Variants in GREM2 observed in about 807,000 individuals in gnomAD.
The protein encoded by GREM2 is gremlin 2, DAN family BMP antagonist.
A neutral mutation model predicts 14.2 loss-of-function variants in GREM2; 11 were observed. That is an observed-to-expected ratio of 0.78 (90% CI 0.49 to 1.28). The LOEUF is 1.28. Ranked by LOEUF, GREM2 falls within the 50% of genes most tolerant of loss-of-function variation. The pLI is 0.00. For missense variants in GREM2, 210 were observed against 218.5 expected (o/e 0.96, Z 0.24); for synonymous variants, 98 against 97.6 (o/e 1.00, Z -0.02).
chr1:240,548,371 A>C (rs373281076), intron 1 of GREM2, among the ~76,000 whole-genome samples: 1 of 152,268 alleles, frequency 6.6e-6, no homozygotes, highest in South Asian at 2.1e-4. Flanking sequence ...TTTTCTTCTT[A>C]AACAACTCCC....
At chr1:240,606,328 T>C (rs983034881) in intron 1 of GREM2, among the ~76,000 whole-genome samples, 1 of 152,198 alleles carries the variant, frequency 6.6e-6, no homozygotes, top group Non-Finnish European at 1.5e-5. Flanking sequence ...TAAAACCATA[T>C]TAAACTCCAG....
At chr1:240,510,276 A>G (rs926034505) in intron 1 of GREM2, among the ~76,000 whole-genome samples, 2 of 139,920 alleles carry the variant, frequency 1.4e-5, no homozygotes, top group Admixed American at 7.6e-5. Context: ...AGGCTGAGGC[A>G]GGAGAATGGC....
At chr1:240,498,375 C>T (rs1677481301) in intron 1 of GREM2, among the ~76,000 whole-genome samples, 1 of 152,170 alleles carries the variant, frequency 6.6e-6, no homozygotes, top group Admixed American at 6.5e-5. Flanking sequence ...CTCCTTCACA[C>T]ATAGCAATAG....
intron 1 of GREM2, among the ~76,000 whole-genome samples, chr1:240,599,269 A>AG (rs1223802236): frequency 1.4e-5 from 2 of 139,718 alleles, no homozygotes; most frequent in African/African-American, 5.9e-5. Flanking sequence ...CTCTGTCTCA[A>AG]AAAAAAAAAA....
chr1:240,499,882 A>G (rs962117858), intron 1 of GREM2, among the ~76,000 whole-genome samples: 16 of 152,226 alleles, frequency 1.1e-4, no homozygotes, highest in African/African-American at 3.6e-4. Flanking sequence ...CCTGAATATA[A>G]TGCCCATGGT....
intron 1 of GREM2, among the ~76,000 whole-genome samples, chr1:240,559,607 G>A (rs767180866): frequency 3.3e-5 from 5 of 152,234 alleles, no homozygotes; most frequent in Non-Finnish European, 5.9e-5. Flanking sequence ...GCCTCCCAAA[G>A]TCCTGGGATT....
intron 1 of GREM2, among the ~76,000 whole-genome samples, chr1:240,574,271 G>A (rs1558168309): frequency 6.6e-6 from 1 of 151,976 alleles, no homozygotes; most frequent in Non-Finnish European, 1.5e-5. Flanking sequence ...ATTTTAAAAC[G>A]ATCTCCCCAC....
At chr1:240,567,757 T>C (rs1370164498) in intron 1 of GREM2, among the ~76,000 whole-genome samples, 1 of 152,190 alleles carries the variant, frequency 6.6e-6, no homozygotes, top group Admixed American at 6.5e-5. Context: ...TGAGTAAATA[T>C]AGAAGACTTT....
intron 1 of GREM2, among the ~76,000 whole-genome samples, chr1:240,565,045 C>T (rs1246489727): frequency 5.9e-5 from 9 of 152,098 alleles, no homozygotes; most frequent in Non-Finnish European, 1.3e-4. Flanking sequence ...CCTTCAAATT[C>T]TATACATTTT....
At chr1:240,507,077 A>G (rs1329179885) in intron 1 of GREM2, among the ~76,000 whole-genome samples, 1 of 152,196 alleles carries the variant, frequency 6.6e-6, no homozygotes, top group African/African-American at 2.4e-5. Flanking sequence ...GGTTTTGGGC[A>G]GGGCAGGGAG....
intron 1 of GREM2, among the ~76,000 whole-genome samples, chr1:240,555,492 T>C (rs887476998): frequency 3.3e-5 from 5 of 152,218 alleles, no homozygotes; most frequent in Admixed American, 6.5e-5. Flanking sequence ...AATTCAAATA[T>C]TTGTAAAAAA....
intron 1 of GREM2, among the ~76,000 whole-genome samples, chr1:240,536,077 A>AG (rs35724519): frequency 0.92 from 139,809 of 152,114 alleles, 64,253 homozygotes; most frequent in East Asian, 0.95. Flanking sequence ...AAGACTGGTA[A>AG]GACAAGAGGA....
intron 1 of GREM2, among the ~76,000 whole-genome samples, chr1:240,521,828 T>C (rs12094266): frequency 0.03 from 4,592 of 152,138 alleles, 255 homozygotes; most frequent in African/African-American, 0.11. Flanking sequence ...ATTTTAAATG[T>C]AGGCCAGGGT....
At chr1:240,520,521 A>G (rs2103302042) in intron 1 of GREM2, among the ~76,000 whole-genome samples, 1 of 152,206 alleles carries the variant, frequency 6.6e-6, no homozygotes, top group African/African-American at 2.4e-5. Context: ...CCTCATTCAG[A>G]TTATAAATTC....
At chr1:240,534,701 A>AG (rs1678437048) in intron 1 of GREM2, among the ~76,000 whole-genome samples, 1 of 151,774 alleles carries the variant, frequency 6.6e-6, no homozygotes, top group African/African-American at 2.4e-5. Flanking sequence ...TCAAAAAAAA[A>AG]AAAAAAAAAA....
At position 240,494,125 on chromosome 1, in the gene GREM2, A is replaced by G. The variant is rs143139178; in HGVS notation, c.-1-649T>C. Among the ~76,000 whole-genome samples, 944 of 152,406 alleles carry G rather than the reference A, an allele frequency of 6.2e-3. 4 individuals carry two copies. Among genetic ancestry groups the G allele is most frequent in the South Asian group, 0.012 (56 of 4,832 alleles). On this transcript the variant is annotated intron_variant, in intron 1 of 1. Coordinates refer to ENST00000318160, the MANE Select transcript of GREM2 (RefSeq NM_022469.4). ...CAATAATAGTTAATACTCAATATTT[A>G]CAGTGTTTTACTTTGTGCCAAGTGC...
At chr1:240,605,544 T>C (rs1680008874) in intron 1 of GREM2, among the ~76,000 whole-genome samples, 1 of 151,988 alleles carries the variant, frequency 6.6e-6, no homozygotes, top group Non-Finnish European at 1.5e-5. Context: ...CTTATAGAGA[T>C]TTTTTAAAAA....
At chr1:240,549,978 A>G (rs1219978507) in intron 1 of GREM2, 1 of 152,262 alleles carries the variant, frequency 6.6e-6, no homozygotes, top group Non-Finnish European at 1.5e-5. Context: ...AGCTTCTATT[A>G]TTTATTCGAG....
chr1:240,538,605 C>T (rs1360578906), intron 1 of GREM2, among the ~76,000 whole-genome samples: 5 of 151,908 alleles, frequency 3.3e-5, no homozygotes, highest in Admixed American at 1.3e-4. Flanking sequence ...ATAGTCCCAG[C>T]GACTTGGGAG....
Sources: allele counts gnomAD v4.1 joint callset (sites outside exome capture counted in the v4.1 genomes callset), GRCh38; gene constraint gnomAD v4.1.1; transcripts MANE v1.5; gene names NCBI Gene and HGNC (gene_info 2026-07-23, HGNC 2026-07-21).